PRKDC: variants seen among roughly 807,000 people sequenced by gnomAD.
PRKDC encodes DNA-dependent protein kinase catalytic subunit.
PRKDC carries 82 observed loss-of-function variants against 486.9 expected under a neutral mutation model. The ratio of observed to expected loss-of-function variants is 0.17; its 90% CI spans 0.14 to 0.20. PRKDC has a LOEUF of 0.20. PRKDC is among the 10% of genes least tolerant of loss of function. PRKDC has a pLI of 1.00. For synonymous variants in PRKDC, 1,895 were observed against 1,837.0 expected (o/e 1.03, Z -0.81); for missense variants, 4,504 against 5,038.2 (o/e 0.89, Z 3.21).
At position 47,881,438 on chromosome 8, in the gene PRKDC, G is replaced by C; in HGVS notation, c.5045C>G (p.Thr1682Arg). ...TACCTTTAAATGTAGATCCAGCTTTGTGTCAGCAAGTAGACTAATATATGT... is the reference window on the plus strand; with the variant it reads ...TACCTTTAAATGTAGATCCAGCTTTCTGTCAGCAAGTAGACTAATATATGT... ...FTTYISLLADTKLDLHLKGQA... is the reference protein window; with the variant it reads ...FTTYISLLADRKLDLHLKGQA... Residue 1682 changes from threonine to arginine, a missense_variant, in exon 38 of 86, where the codon ACA (threonine) becomes AGA (arginine). Coordinates refer to ENST00000314191, the MANE Select transcript of PRKDC (RefSeq NM_006904.7). 3 of 1,558,294 alleles carry C rather than the reference G, an allele frequency of 1.9e-6. No individual in the cohort carries two copies. Among genetic ancestry groups the C allele is most frequent in the Non-Finnish European group, 1.8e-6 (2 of 1,132,454 alleles).
chr8:47,885,291 A>G (rs2089301738), intron 36 of PRKDC, among the ~76,000 whole-genome samples: 2 of 152,034 alleles, frequency 1.3e-5, no homozygotes. Context: ...AGCTGGGATT[A>G]CAGGCACACA....
rs375259381 is a variant in PRKDC at position 47,943,841 on chromosome 8, A to G, written c.808+12T>C. ...TCTAAAATATTATACCTCATTATAA[A>G]CAGAATCCTACCTGAGGGCACAGCA... On this transcript the variant is annotated intron_variant, in intron 9 of 85. Transcript: ENST00000314191. The G allele has an allele frequency of 3.2e-6, 5 of 1,571,314 alleles. No individual in the cohort carries two copies. The highest frequency in any genetic ancestry group is 4.3e-6 in the Non-Finnish European group (5 of 1,153,168).
At chr8:47,924,845 G>A (rs1227736454) in intron 21 of PRKDC, among the ~76,000 whole-genome samples, 3 of 152,176 alleles carry the variant, frequency 2.0e-5, no homozygotes, top group African/African-American at 7.2e-5. Context: ...ACTCCACAGT[G>A]TCCATTCCAG....
intron 74 of PRKDC, among the ~76,000 whole-genome samples, chr8:47,791,251 C>T (rs1405761582): frequency 2.6e-5 from 4 of 152,098 alleles, no homozygotes; most frequent in Non-Finnish European, 5.9e-5. Context: ...CCAAGGTGGG[C>T]AGATCACGAG....
intron 51 of PRKDC, among the ~76,000 whole-genome samples, chr8:47,853,431 C>G (rs760470645): frequency 2.6e-5 from 4 of 152,160 alleles, no homozygotes; most frequent in Non-Finnish European, 4.4e-5. Flanking sequence ...GCAGGGCAGG[C>G]GGAAACCCAG....
In PRKDC at chr8:47,935,768, T is replaced by C. The variant is rs780873090; in HGVS notation, c.1411A>G (p.Lys471Glu). 1 of 1,613,908 alleles carries C rather than the reference T, an allele frequency of 6.2e-7. No homozygotes were observed. Among genetic ancestry groups the C allele is most frequent in the Non-Finnish European group, 8.5e-7 (1 of 1,179,860 alleles). The stretch of plus-strand genomic sequence containing the variant: ...ATGCAATTCCTGAGAACTGGCCCTT[T>C]TGCTGCCAAAGCTAGGAACACCTTC... ...IVKVFLALAA[K>E]GPVLRNCIST... Residue 471 changes from lysine (K) to glutamate (E), a missense_variant, in exon 13 of 86, where the codon AAA becomes GAA. This residue lies in a region of PRKDC where 1,969 missense variants were observed against 2,068.9 expected (regional missense o/e 0.95). Transcript: ENST00000314191.
intron 39 of PRKDC, among the ~76,000 whole-genome samples, chr8:47,878,298 G>C (rs2089134022): frequency 6.6e-6 from 1 of 151,984 alleles, no homozygotes; most frequent in Non-Finnish European, 1.5e-5. Context: ...GTAGAGACGG[G>C]GTTTCACCGT....
Position 47,819,513 on chromosome 8 carries a change from TAA to T in PRKDC, c.9337-5_9337-4del, listed in dbSNP as rs11311765. ...AGGACATCAATACTAGAATAATTCTTAAAAAAAAAAAAAAAAAAAAAGGGCAT... is the reference window on the plus strand; with the variant it reads ...AGGACATCAATACTAGAATAATTCTTAAAAAAAAAAAAAAAAAAAGGGCAT... On this transcript the variant is annotated splice_region_variant and splice_polypyrimidine_tract_variant and intron_variant, in intron 66 of 85. Transcript: ENST00000314191. 14,055 of 542,682 alleles carry T rather than the reference TAA, an allele frequency of 0.026. 33 individuals carry two copies. Among genetic ancestry groups the T allele is most frequent in the East Asian group, 0.072 (1,886 of 26,192 alleles). 33.6% of individuals were successfully genotyped at this position (542,682 alleles called of 1,614,324 possible).
At chr8:47,780,824 GC>G (rs772635061) in intron 80 of PRKDC, among the ~76,000 whole-genome samples, 9 of 152,198 alleles carry the variant, frequency 5.9e-5, no homozygotes, top group South Asian at 4.2e-4. Context: ...TGTAATCTCA[GC>G]TACTCGGAAG....
At position 47,820,855 on chromosome 8, in the gene PRKDC, T is replaced by G; in HGVS notation, c.9200A>C (p.Lys3067Thr). 6.2e-7 allele frequency: 1 copy of G among 1,612,462 alleles called. No individual in the cohort carries two copies. The highest frequency in any genetic ancestry group is 8.5e-7 in the Non-Finnish European group (1 of 1,178,900). Residue 3067 changes from lysine to threonine, a missense_variant, in exon 66 of 86, where the codon AAA becomes ACA. Physicochemically the swap from Lys to Thr is moderately conservative, Grantham distance 78. This residue lies in a region of PRKDC where 1,592 missense variants were observed against 1,724.6 expected (regional missense o/e 0.92). Coordinates refer to ENST00000314191, the MANE Select transcript of PRKDC (RefSeq NM_006904.7). ...CTTCTGGAGCTCCCCGTGCATAGCT[T>G]TGTCAATAAATGTCAGCAGGGACTG... Reference protein sequence around the residue: ...ADQSLLTFIDKAMHGELQKAI... With the variant: ...ADQSLLTFIDTAMHGELQKAI...
At chr8:47,796,110 G>T (rs1169114778) in intron 73 of PRKDC, among the ~76,000 whole-genome samples, 2 of 151,116 alleles carry the variant, frequency 1.3e-5, no homozygotes, top group African/African-American at 4.9e-5. Context: ...AGCCAGGATG[G>T]TCTCAATCTC....
Position 47,890,352 on chromosome 8 carries a change from C to T in PRKDC, c.3976G>A (p.Glu1326Lys). 2 of 1,613,524 alleles carry T rather than the reference C, an allele frequency of 1.2e-6. No individual in the cohort carries two copies. The highest frequency in any genetic ancestry group is 1.7e-6 in the Non-Finnish European group (2 of 1,179,744). The stretch of plus-strand genomic sequence containing the variant: ...TTGCTGTAGTTGTACCTTTCTCCCT[C>T]TTGTGGGCTTGTTCTGTTACCTGCT... ...GAAGNRTSPQEGERYNYSKCT... is the reference protein window; with the variant it reads ...GAAGNRTSPQKGERYNYSKCT... Residue 1326 changes from glutamate (E) to lysine (K), a missense_variant, in exon 32 of 86, where the codon GAG becomes AAG. By Grantham distance (56) the Glu-to-Lys change is moderately conservative. Coordinates refer to ENST00000314191, the MANE Select transcript of PRKDC (RefSeq NM_006904.7).
Position 47,943,213 on chromosome 8 carries a change from T to G in PRKDC, c.962A>C (p.Lys321Thr), listed in dbSNP as rs748595499. 2 of 1,611,322 alleles carry G rather than the reference T, an allele frequency of 1.2e-6. No homozygotes were observed. The change falls in exon 10 of 86, where the codon AAA becomes ACA. Residue 321 changes from lysine to threonine, a missense_variant. Lys to Thr is a moderately conservative substitution (Grantham distance 78). Coordinates refer to ENST00000314191, the MANE Select transcript of PRKDC (RefSeq NM_006904.7). ...AALSALESFL[K>T]QVSNMVAKNA... The stretch of plus-strand genomic sequence containing the variant: ...TGACAGTTGAATTTGTGGTACCTGT[T>G]TCAGAAAGGATTCCAGGGCTGAAAG...
At chr8:47,848,056 A>C (rs1202497706) in intron 54 of PRKDC, among the ~76,000 whole-genome samples, 1 of 152,218 alleles carries the variant, frequency 6.6e-6, no homozygotes, top group Non-Finnish European at 1.5e-5. Flanking sequence ...AAATTAGTTC[A>C]GCCACTGTGG....
At chr8:47,937,025 G>A (rs910524928) in intron 11 of PRKDC, among the ~76,000 whole-genome samples, 4 of 150,622 alleles carry the variant, frequency 2.7e-5, no homozygotes, top group East Asian at 4.0e-4. Context: ...AGGCCGAGGC[G>A]GGCAGATCAC....
chr8:47,894,560 T>G, intron 30 of PRKDC, among the ~76,000 whole-genome samples: 1 of 152,010 alleles, frequency 6.6e-6, no homozygotes, highest in East Asian at 1.9e-4. Context: ...CAGCCCTACT[T>G]CTTCCTTGGT....
At chr8:47,858,405 T>C (rs1008601957) in intron 48 of PRKDC, 111 bp downstream of exon 48, 28 of 1,113,898 alleles carry the variant, frequency 2.5e-5, no homozygotes, top group African/African-American at 1.3e-4. Context: ...TTTTCCTTTT[T>C]TGTGTGTGTT....
chr8:47,831,058 G>A (rs923127021), intron 60 of PRKDC, among the ~76,000 whole-genome samples: 2 of 152,198 alleles, frequency 1.3e-5, no homozygotes, highest in South Asian at 2.1e-4. Context: ...GAACGAGGCC[G>A]GCAGCCGGTC....
At chr8:47,881,563 A>G in intron 37 of PRKDC, 43 bp from the exon 38 acceptor site, 1 of 1,006,916 alleles carries the variant, frequency 9.9e-7, no homozygotes, top group Non-Finnish European at 1.5e-6. Context: ...TGTATATTAC[A>G]TCTCTATTTC....
Sources: allele counts gnomAD v4.1 joint callset (sites outside exome capture counted in the v4.1 genomes callset), GRCh38; gene constraint gnomAD v4.1.1; regional missense constraint gnomAD v4.1.1; transcripts MANE v1.5; gene names NCBI Gene and HGNC (gene_info 2026-07-23, HGNC 2026-07-21).